Variants in IDS observed in about 807,000 individuals in gnomAD.
IDS encodes the protein alpha-L-iduronate sulfate sulfatase.
In IDS, 1 loss-of-function variant was observed where a neutral mutation model predicts 33.5. The ratio of observed to expected loss-of-function variants is 0.03; its 90% CI spans 0.01 to 0.14. The LOEUF (loss-of-function observed/expected upper bound fraction) is 0.14. Among genes scored for constraint, IDS ranks in the 10% least tolerant of loss-of-function variants. The probability of loss-of-function intolerance (pLI) is 1.00; values close to 1 mark genes in which losing one functional copy is unlikely to be tolerated. For missense variants in IDS, 328 were observed against 448.0 expected (o/e 0.73, Z 2.42); for synonymous variants, 191 against 184.4 (o/e 1.04, Z -0.29).
intron 6 of IDS, among the ~76,000 whole-genome samples, chrX:149,495,058 T>G (rs1408287031): frequency 9.0e-6 from 1 of 111,686 alleles, no homozygotes; most frequent in African/African-American, 3.3e-5. Context: ...AGCAGGTACC[T>G]CACTAAGTCC....
In IDS at chrX:149,482,860, G is replaced by A; in HGVS notation, c.1539C>T (p.Asn513=). The A allele has an allele frequency of 8.3e-7, 1 of 1,211,942 alleles. No individual in the cohort carries two copies. Among genetic ancestry groups the A allele is most frequent in the Non-Finnish European group, 1.1e-6 (1 of 895,498 alleles). ...VGFNPDEFLA[N]FSDIHAGELY... ...GTTCCCCTGCATGGATGTCAGAAAA[G>A]TTAGCTAGAAATTCATCAGGATTGA... The change falls in exon 9 of 9, where the codon AAC becomes AAT. Residue 513 remains asparagine (N), a synonymous_variant. Coordinates refer to ENST00000340855, the MANE Select transcript of IDS (RefSeq NM_000202.8).
chrX:149,488,986 G>A (rs1349869731), intron 7 of IDS, among the ~76,000 whole-genome samples: 16 of 110,836 alleles, frequency 1.4e-4, no homozygotes, highest in African/African-American at 4.3e-4. Context: ...CCAGAACTGC[G>A]AGCTCCTGAG....
At chrX:149,495,495 G>T (rs1280421670) in intron 6 of IDS, 1 of 104,862 alleles carries the variant, frequency 9.5e-6, no homozygotes, top group Non-Finnish European at 2.0e-5. Flanking sequence ...AAGAAATGTC[G>T]GTTGTCAGGT....
rs782470007 is a variant in IDS, at chrX:149,496,373, C to T, written c.852G>A (p.Pro284=). 1.7e-5 allele frequency: 20 copies of T among 1,210,955 alleles called. No homozygotes were observed. The highest frequency in any genetic ancestry group is 7.0e-5 in the South Asian group (4 of 56,971). The stretch of plus-strand genomic sequence containing the variant: ...GAAAGTCCACAGGAATTGGACCATA[C>T]GGCACACTGATGTTTAAGGCTTGGA... ...EDVQALNISV[P]YGPIPVDFQR... is the part of the protein sequence containing the mutation. The change falls in exon 6 of 9, where the codon CCG becomes CCA. Residue 284 remains proline, a synonymous_variant. Coordinates refer to ENST00000340855, the MANE Select transcript of IDS (RefSeq NM_000202.8).
Position 149,481,090 on chromosome X carries a change from T to C in IDS, c.*1656A>G, listed in dbSNP as rs17252662. ...GGCAATAAAGCCAAATGCACTGAAC[T>C]ATGTCATAAGGAATTTACAGGCTGT... On this transcript the variant is annotated 3_prime_UTR_variant, in exon 9 of 9. Transcript: ENST00000340855. 4 of 112,083 alleles carry C rather than the reference T, an allele frequency of 3.6e-5. No homozygotes were observed. Among genetic ancestry groups the C allele is most frequent in the African/African-American group, 1.3e-4 (4 of 30,822 alleles). The allele number at this position is 112,083 out of a possible 1,213,427, so 9.2% of individuals were successfully genotyped here. A position where few individuals can be genotyped will look rare whatever the true frequency, so the allele number is the denominator to read the frequency against.
At chrX:149,501,220 G>C (rs895691079) in intron 3 of IDS, among the ~76,000 whole-genome samples, 183 bp from the exon 4 acceptor site, 73 of 111,781 alleles carry the variant, frequency 6.5e-4, no homozygotes, top group African/African-American at 2.2e-3. Flanking sequence ...CTAAGCATCT[G>C]ACTTCCTGGT....
At chrX:149,494,946 C>T (rs782748675) in intron 6 of IDS, among the ~76,000 whole-genome samples, 1 of 111,674 alleles carries the variant, frequency 9.0e-6, no homozygotes, top group Admixed American at 9.4e-5. Flanking sequence ...TTTGGAGTTA[C>T]AGTCCCTGGG....
chrX:149,486,826 T>C (rs2089339689), intron 8 of IDS, 99 bp downstream of exon 8: 1 of 911,782 alleles, frequency 1.1e-6, no homozygotes. Context: ...GAAGGGGGGG[T>C]CTGTGTAACC....
In IDS at chrX:149,496,428, G is replaced by A; in HGVS notation, c.797C>T (p.Pro266Leu). 8.3e-7 allele frequency: 1 copy of A among 1,210,029 alleles called. No homozygotes were observed. Among genetic ancestry groups the A allele is most frequent in the Non-Finnish European group, 1.1e-6 (1 of 893,916 alleles). The change falls in exon 6 of 9, where the codon CCC becomes CTC. Residue 266 changes from proline (P) to leucine (L), a missense_variant. By Grantham distance (98) the Pro-to-Leu change is moderately conservative. This residue lies in a region of IDS where 265 missense variants were observed against 339.2 expected (regional missense o/e 0.78). Transcript: ENST00000340855. ...PDGLPPVAYN[P>L]WMDIRQREDV... Reference sequence around the variant, plus strand: ...TTCCCGTTGCCTGATGTCCATCCAGGGGTTGTAGGCCACAGGGGGTAGGCC... The same window carrying A: ...TTCCCGTTGCCTGATGTCCATCCAGAGGTTGTAGGCCACAGGGGGTAGGCC...
intron 3 of IDS, among the ~76,000 whole-genome samples, chrX:149,501,320 A>G (rs1377958673): frequency 8.9e-6 from 1 of 111,959 alleles, no homozygotes; most frequent in African/African-American, 3.3e-5. Context: ...GCTGAAACCT[A>G]TCTCTCACCC....
At position 149,481,288 on chromosome X, in the gene IDS, ACAGT is replaced by A. The variant is rs1191122584; in HGVS notation, c.*1454_*1457del. On this transcript the variant is annotated 3_prime_UTR_variant, in exon 9 of 9. Coordinates refer to ENST00000340855, the MANE Select transcript of IDS (RefSeq NM_000202.8). ...TCACGGAGAAGTCGTTGTTGCCAGA[ACAGT>A]CAGTCACTTAACTGCTTAGAAGATC... 3 of 112,447 alleles carry A rather than the reference ACAGT, an allele frequency of 2.7e-5. No individual in the cohort carries two copies. Among genetic ancestry groups the A allele is most frequent in the Non-Finnish European group, 3.8e-5 (2 of 53,292 alleles). The allele number at this position is 112,447 out of a possible 1,213,427, so 9.3% of individuals were successfully genotyped here. A position where few individuals can be genotyped will look rare whatever the true frequency, so the allele number is the denominator to read the frequency against.
In IDS at chrX:149,494,733, GCT is replaced by G. The variant is rs782255625; in HGVS notation, c.879+1611_879+1612del. The stretch of plus-strand genomic sequence containing the variant: ...GACACGGTCCTAGATACTTCTACAT[GCT>G]CTCTTTGGTTCTTGCTGAAAATCTC... On this transcript the variant is annotated intron_variant, in intron 6 of 8. Transcript: ENST00000340855. Among the ~76,000 whole-genome samples the G allele has an allele frequency of 2.3e-3, 260 of 112,100 alleles. 3 individuals are homozygous for G. The highest frequency in any genetic ancestry group is 8.1e-3 in the African/African-American group (251 of 30,812).
intron 3 of IDS, chrX:149,502,869 C>T: frequency 3.3e-6 from 1 of 304,614 alleles, no homozygotes; most frequent in Non-Finnish European, 5.8e-6. Flanking sequence ...ATAGCAGCCC[C>T]TACCTAAGCA....
intron 6 of IDS, among the ~76,000 whole-genome samples, chrX:149,493,839 T>TA (rs1386764997): frequency 9.0e-6 from 1 of 111,093 alleles, no homozygotes; most frequent in Non-Finnish European, 1.9e-5. Context: ...ACACAGCTGA[T>TA]AAGGGGCACA....
rs2089272359 is a variant in IDS at position 149,477,361 on chromosome X, C to T, written c.*5385G>A. The T allele has an allele frequency of 8.9e-6, 1 of 112,563 alleles. No individual in the cohort carries two copies. Among genetic ancestry groups the T allele is most frequent in the South Asian group, 3.6e-4 (1 of 2,766 alleles). 9.3% of individuals were successfully genotyped at this position (112,563 alleles called of 1,213,427 possible). ...CACTACTAGACCTTGAGCTTTTGTTCCTCATTGGCAGTGGGAGCCCTCTTG... is the reference window on the plus strand; with the variant it reads ...CACTACTAGACCTTGAGCTTTTGTTTCTCATTGGCAGTGGGAGCCCTCTTG... On this transcript the variant is annotated 3_prime_UTR_variant, in exon 9 of 9. Transcript: ENST00000340855.
At chrX:149,488,804 G>C (rs1557338426) in intron 7 of IDS, among the ~76,000 whole-genome samples, 1 of 111,780 alleles carries the variant, frequency 8.9e-6, no homozygotes, top group Non-Finnish European at 1.9e-5. Context: ...TCCATCTCCA[G>C]ATCAGGAGGA....
Position 149,498,322 on chromosome X carries a change from T to C in IDS, c.508-15A>G, listed in dbSNP as rs1557339558. 1.7e-6 allele frequency: 2 copies of C among 1,170,789 alleles called. No homozygotes were observed. The highest frequency in any genetic ancestry group is 3.5e-5 in the African/African-American group (2 of 56,564). On this transcript the variant is annotated splice_polypyrimidine_tract_variant and intron_variant, in intron 4 of 8. Coordinates refer to ENST00000340855, the MANE Select transcript of IDS (RefSeq NM_000202.8). Reference sequence around the variant, plus strand: ...CCTCGACATGTCTTTCAAAACAAAATAATATAACATCAGCTTTTTAAGTGC... The same window carrying C: ...CCTCGACATGTCTTTCAAAACAAAACAATATAACATCAGCTTTTTAAGTGC...
In IDS at chrX:149,484,471, A is replaced by G. The variant is rs782554519; in HGVS notation, c.1181-1253T>C. Among the ~76,000 whole-genome samples the G allele has an allele frequency of 3.6e-5, 4 of 111,927 alleles. No individual in the cohort carries two copies. The East Asian group carries it at 1.1e-3, about 31-fold the overall frequency. ...TGAGTAGCTGGGATTACAGGCATGC[A>G]CCGCCACACCCAGCTAATTTTTGTA... is the stretch of plus-strand genomic sequence containing the variant. On this transcript the variant is annotated intron_variant, in intron 8 of 8. Transcript: ENST00000340855.
At chrX:149,491,878 G>A (rs781821929) in intron 6 of IDS, among the ~76,000 whole-genome samples, 6 of 112,343 alleles carry the variant, frequency 5.3e-5, no homozygotes, top group African/African-American at 1.9e-4. Context: ...CCTGGCCTAT[G>A]GATGAAATGA....
Sources: allele counts gnomAD v4.1 joint callset (sites outside exome capture counted in the v4.1 genomes callset), GRCh38; gene constraint gnomAD v4.1.1; regional missense constraint gnomAD v4.1.1; transcripts MANE v1.5; gene names NCBI Gene and HGNC (gene_info 2026-07-23, HGNC 2026-07-21).